PPP3CA: variants seen among roughly 807,000 people sequenced by gnomAD.
PPP3CA encodes the protein CAM-PRP catalytic subunit.
A neutral mutation model predicts 66.5 loss-of-function variants in PPP3CA; 14 were observed. The ratio of observed to expected loss-of-function variants is 0.21; its 90% CI spans 0.14 to 0.33. The LOEUF (loss-of-function observed/expected upper bound fraction) is 0.33, where lower values mean the gene tolerates loss of function less well. PPP3CA is among the 10% of genes least tolerant of loss of function. The pLI, the probability that PPP3CA is intolerant of heterozygous loss-of-function variation, is 1.00. For synonymous variants in PPP3CA, 232 were observed against 226.2 expected (o/e 1.03, Z -0.23); for missense variants, 317 against 639.5 (o/e 0.50, Z 5.44).
chr4:101,285,063 C>T (rs562096748), intron 1 of PPP3CA, among the ~76,000 whole-genome samples: 50 of 152,042 alleles, frequency 3.3e-4, no homozygotes, highest in African/African-American at 1.1e-3. Flanking sequence ...AACACAAACC[C>T]AAATACTGAT....
chr4:101,170,232 A>T (rs970528373), intron 2 of PPP3CA, among the ~76,000 whole-genome samples: 1 of 151,506 alleles, frequency 6.6e-6, no homozygotes, highest in African/African-American at 2.4e-5. Flanking sequence ...GAGCATCAAG[A>T]CATTTTTTCC....
At chr4:101,026,658 A>AAAAAG (rs80136355) in intron 13 of PPP3CA, among the ~76,000 whole-genome samples, 1 of 127,810 alleles carries the variant, frequency 7.8e-6, no homozygotes, top group African/African-American at 2.6e-5. Context: ...GACATGAAAA[A>AAAAAG]AAAAGAAATT....
chr4:101,228,674 C>A (rs943126753), intron 1 of PPP3CA, among the ~76,000 whole-genome samples: 12 of 151,560 alleles, frequency 7.9e-5, no homozygotes, highest in African/African-American at 2.9e-4. Flanking sequence ...GCATGTACTG[C>A]AATTCACAAA....
At position 101,347,120 on chromosome 4, in the gene PPP3CA, TG is replaced by T. The variant is rs1730036696; in HGVS notation, c.-325del. On this transcript the variant is annotated 5_prime_UTR_variant, in exon 1 of 14. Coordinates refer to ENST00000394854, the MANE Select transcript of PPP3CA (RefSeq NM_000944.5). Reference sequence around the variant, plus strand: ...TCTTTTATTCTTGGGGGAAGGGGGATGGGGAGGAGAAGCGCACACACGAGCA... The same window carrying T: ...TCTTTTATTCTTGGGGGAAGGGGGATGGGAGGAGAAGCGCACACACGAGCA... 1.7e-5 allele frequency: 8 copies of T among 473,496 alleles called. No homozygotes were observed. The highest frequency in any genetic ancestry group is 1.7e-4 in the South Asian group (8 of 47,752). The allele number at this position is 473,496 out of a possible 1,614,324, so 29.3% of individuals were successfully genotyped here.
chr4:101,062,701 C>T (rs991149434), intron 9 of PPP3CA, among the ~76,000 whole-genome samples: 4 of 151,954 alleles, frequency 2.6e-5, no homozygotes, highest in Non-Finnish European at 5.9e-5. Context: ...CTGTTCTGTA[C>T]CTTATAATGC....
At chr4:101,231,778 T>C (rs1180222492) in intron 1 of PPP3CA, among the ~76,000 whole-genome samples, 1 of 151,798 alleles carries the variant, frequency 6.6e-6, no homozygotes, top group Non-Finnish European at 1.5e-5. Flanking sequence ...TCACTTATTC[T>C]GATTGTTCAG....
chr4:101,148,511 C>T (rs143122631), intron 2 of PPP3CA, among the ~76,000 whole-genome samples: 3 of 152,106 alleles, frequency 2.0e-5, no homozygotes, highest in Non-Finnish European at 4.4e-5. Flanking sequence ...TTTATACTTA[C>T]AAATAGTGAA....
intron 1 of PPP3CA, among the ~76,000 whole-genome samples, chr4:101,313,397 C>A (rs769923921): frequency 2.6e-5 from 4 of 152,112 alleles, no homozygotes; most frequent in Non-Finnish European, 4.4e-5. Flanking sequence ...AGTAGAGAGT[C>A]ATCTTCATTT....
chr4:101,135,858 C>T (rs1722604851), intron 2 of PPP3CA, among the ~76,000 whole-genome samples: 1 of 152,176 alleles, frequency 6.6e-6, no homozygotes, highest in Non-Finnish European at 1.5e-5. Context: ...ATTCTCTCCA[C>T]TCATGGCAAC....
At chr4:101,040,204 G>A (rs568655846) in intron 11 of PPP3CA, among the ~76,000 whole-genome samples, 13 of 152,122 alleles carry the variant, frequency 8.5e-5, no homozygotes, top group Admixed American at 2.6e-4. Flanking sequence ...TCAACCTACC[G>A]TGAAATCAAT....
chr4:101,128,778 T>G (rs763704235), intron 2 of PPP3CA, among the ~76,000 whole-genome samples: 6 of 152,136 alleles, frequency 3.9e-5, no homozygotes, highest in Non-Finnish European at 5.9e-5. Context: ...CTCGGGTGGC[T>G]ACACCACAAG....
At chr4:101,064,877 T>C (rs1275087389) in intron 8 of PPP3CA, among the ~76,000 whole-genome samples, 1 of 152,032 alleles carries the variant, frequency 6.6e-6, no homozygotes, top group Non-Finnish European at 1.5e-5. Flanking sequence ...AGCCTAACAA[T>C]ATGTTGATGT....
At chr4:101,273,211 C>T (rs1242839588) in intron 1 of PPP3CA, among the ~76,000 whole-genome samples, 1 of 152,094 alleles carries the variant, frequency 6.6e-6, no homozygotes. Flanking sequence ...AATACCTGTA[C>T]CAAATGGTTT....
rs753259814 is a variant in PPP3CA, at chr4:101,061,042, A to G, written c.1156+45T>C. 4.0e-6 allele frequency: 6 copies of G among 1,489,274 alleles called. No homozygotes were observed. The African/African-American group carries it at 8.3e-5, about 21-fold the overall frequency. 92.3% of individuals were successfully genotyped at this position (1,489,274 alleles called of 1,614,324 possible). The stretch of plus-strand genomic sequence containing the variant: ...TAGATTTAGCAATGAGACTCTAAGT[A>G]ATTATCTGGCAAATAGCATTAGCAC... On this transcript the variant is annotated intron_variant, in intron 10 of 13. Transcript: ENST00000394854.
In PPP3CA at chr4:101,288,563, G is replaced by C. The variant is rs191716180; in HGVS notation, c.58+58176C>G. Among the ~76,000 whole-genome samples the C allele has an allele frequency of 1.1e-4, 16 of 151,270 alleles. 1 individual carries two copies. The East Asian group carries it at 3.1e-3, about 29-fold the overall frequency. ...AAGGGAGCGGGAGGGGGAGGGGAGT[G>C]GTCGGAGGAGGGGATAAGAGGGAAC... On this transcript the variant is annotated intron_variant, in intron 1 of 13. Transcript: ENST00000394854.
At chr4:101,220,590 C>G (rs1725594522) in intron 1 of PPP3CA, among the ~76,000 whole-genome samples, 1 of 151,578 alleles carries the variant, frequency 6.6e-6, no homozygotes, top group South Asian at 2.1e-4. Context: ...ACTAGGCAAA[C>G]AGGTGTTTTT....
intron 1 of PPP3CA, chr4:101,240,711 A>G (rs981886572): frequency 6.6e-6 from 1 of 152,154 alleles, no homozygotes; most frequent in Non-Finnish European, 1.5e-5. Flanking sequence ...ATTTGCTAAT[A>G]TTCAGAAAAT....
At chr4:101,330,805 T>C (rs1449339875) in intron 1 of PPP3CA, among the ~76,000 whole-genome samples, 6 of 152,094 alleles carry the variant, frequency 3.9e-5, no homozygotes, top group Admixed American at 3.9e-4. Context: ...AGCCTTAACC[T>C]AGGGGAAAAA....
Position 101,106,468 on chromosome 4 carries a change from A to AGAAG in PPP3CA, c.384+2485_384+2486insCTTC, listed in dbSNP as rs1560605272. 1.0e-3 allele frequency among the ~76,000 whole-genome samples: 47 copies of AGAAG among 46,120 alleles called. 8 individuals are homozygous for AGAAG. The highest frequency in any genetic ancestry group is 1.8e-3 in the African/African-American group (9 of 5,098). The allele number at this position is 46,120 out of a possible 152,430, so 30.3% of individuals were successfully genotyped here. A position where few individuals can be genotyped will look rare whatever the true frequency, so the allele number is the denominator to read the frequency against. On this transcript the variant is annotated intron_variant, in intron 3 of 13. Coordinates refer to ENST00000394854, the MANE Select transcript of PPP3CA (RefSeq NM_000944.5). Reference sequence around the variant, plus strand: ...AAGAAAGAAAGAGAAAAGAAAAGAAAAGAAAAGAAAAGAAAAGAAAAGAAA... The same window carrying AGAAG: ...AAGAAAGAAAGAGAAAAGAAAAGAAAGAAGAGAAAAGAAAAGAAAAGAAAAGAAA...
Sources: gnomAD v4.1 joint callset for allele counts (sites outside exome capture counted in the v4.1 genomes callset) on GRCh38, gnomAD v4.1.1 for gene constraint, MANE v1.5 for transcripts, NCBI Gene and HGNC (gene_info 2026-07-23, HGNC 2026-07-21) for gene names.